Variants in MESP2 observed in about 807,000 individuals in gnomAD.
The protein encoded by MESP2 is mesoderm posterior bHLH transcription factor 2.
Under a neutral mutation model 37.8 loss-of-function variants are expected in MESP2, and 34 were observed. That is an observed-to-expected ratio of 0.90 (90% CI 0.68 to 1.20). The LOEUF (loss-of-function observed/expected upper bound fraction) is 1.20. Ranked by LOEUF, MESP2 falls within the 50% of genes most tolerant of loss-of-function variation. The pLI is 0.00. For synonymous variants in MESP2, 303 were observed against 251.6 expected, an observed-to-expected ratio of 1.20 and a Z score of -1.93; for missense variants, 646 against 545.3, an observed-to-expected ratio of 1.18 and a Z score of -1.84.
In MESP2 at chr15:89,778,492, T is replaced by C; in HGVS notation, c.*158T>C. 1.0e-6 allele frequency: 1 copy of C among 983,728 alleles called. No homozygotes were observed. The highest frequency in any genetic ancestry group is 1.5e-6 in the Non-Finnish European group (1 of 646,822). 60.9% of individuals were successfully genotyped at this position (983,728 alleles called of 1,614,324 possible). On this transcript the variant is annotated 3_prime_UTR_variant, in exon 2 of 2. Coordinates refer to ENST00000341735, the MANE Select transcript of MESP2 (RefSeq NM_001039958.2). Reference sequence around the variant, plus strand: ...AGCAGTGTTTGAAATAGATAGCGGGTACCTTCCCTGGATGGAGTCAGGGCG... The same window carrying C: ...AGCAGTGTTTGAAATAGATAGCGGGCACCTTCCCTGGATGGAGTCAGGGCG...
At position 89,777,215 on chromosome 15, in the gene MESP2, G is replaced by A. The variant is rs1968383546; in HGVS notation, c.858G>A (p.Glu286=). 23 of 1,612,482 alleles carry A rather than the reference G, an allele frequency of 1.4e-5. No homozygotes were observed. Among genetic ancestry groups the A allele is most frequent in the Non-Finnish European group, 1.9e-5 (23 of 1,179,816 alleles). Residue 286 remains glutamate (E), a synonymous_variant, in exon 1 of 2, where the codon GAG becomes GAA. Transcript: ENST00000341735. ...QGCPWTQSSP[E]PRNPPVPWTA... The stretch of plus-strand genomic sequence containing the variant: ...GTCCCTGGACGCAGTCGTCCCCAGA[G>A]CCCCGGAACCCACCAGTGCCCTGGA...
chr15:89,776,758 A>C lies in MESP2; in HGVS notation c.401A>C (p.His134Pro). The C allele has an allele frequency of 6.5e-7, 1 of 1,538,942 alleles. No homozygotes were observed. The highest frequency in any genetic ancestry group is 8.7e-7 in the Non-Finnish European group (1 of 1,149,298). The change falls in exon 1 of 2, where the codon CAC (histidine) becomes CCC (proline). Residue 134 changes from histidine (H) to proline (P), a missense_variant. Coordinates refer to ENST00000341735, the MANE Select transcript of MESP2 (RefSeq NM_001039958.2). ...TLRLAIRYIG[H>P]LSAVLGLSEE... The stretch of plus-strand genomic sequence containing the variant: ...CGCCTGGCCATCCGCTACATCGGCC[A>C]CCTATCGGCCGTGCTGGGTCTCAGC...
In MESP2 at chr15:89,776,729, G is replaced by A; in HGVS notation, c.372G>A (p.Thr124=). The A allele has an allele frequency of 6.4e-7, 1 of 1,554,580 alleles. No homozygotes were observed. The highest frequency in any genetic ancestry group is 8.6e-7 in the Non-Finnish European group (1 of 1,156,446). ...PAGQSLTKIE[T]LRLAIRYIGH... ...GCCAGAGCCTGACCAAGATCGAGAC[G>A]CTGCGCCTGGCCATCCGCTACATCG... Residue 124 remains threonine, a synonymous_variant, in exon 1 of 2, where the codon ACG becomes ACA. Transcript: ENST00000341735.
In MESP2 at chr15:89,776,839, G is replaced by T; in HGVS notation, c.482G>T (p.Gly161Val). ...RQRGDAGSPW[G>V]CPLCPDRGPA... Reference sequence around the variant, plus strand: ...CGCGGGGACGCGGGGTCCCCTTGGGGCTGCCCGCTGTGCCCCGACCGTGGC... The same window carrying T: ...CGCGGGGACGCGGGGTCCCCTTGGGTCTGCCCGCTGTGCCCCGACCGTGGC... The change falls in exon 1 of 2, where the codon GGC becomes GTC. Residue 161 changes from glycine (G) to valine (V), a missense_variant. Coordinates refer to ENST00000341735, the MANE Select transcript of MESP2 (RefSeq NM_001039958.2). 1 of 1,465,420 alleles carries T rather than the reference G, an allele frequency of 6.8e-7. No individual in the cohort carries two copies. Among genetic ancestry groups the T allele is most frequent in the African/African-American group, 1.5e-5 (1 of 68,126 alleles). 90.8% of individuals were successfully genotyped at this position (1,465,420 alleles called of 1,614,324 possible). A position where few individuals can be genotyped will look rare whatever the true frequency, so the allele number is the denominator to read the frequency against.
At chr15:89,777,351 C>T (rs901694997) in intron 1 of MESP2, 70 bp downstream of exon 1, 2 of 1,475,816 alleles carry the variant, frequency 1.4e-6, no homozygotes, top group Non-Finnish European at 1.8e-6. Context: ...TTTTCGATCC[C>T]AGCTTATCTA....
Position 89,776,532 on chromosome 15 carries a change from T to C in MESP2, c.175T>C (p.Cys59Arg), listed in dbSNP as rs1013034627. Reference protein sequence around the residue: ...RGLPQPQPPSCSSRAAEAAAT... With the variant: ...RGLPQPQPPSRSSRAAEAAAT... The stretch of plus-strand genomic sequence containing the variant: ...ACTCCCGCAGCCACAGCCTCCGAGC[T>C]GCAGCTCCCGAGCCGCAGAGGCAGC... Residue 59 changes from cysteine (C) to arginine (R), a missense_variant, in exon 1 of 2, where the codon TGC (cysteine) becomes CGC (arginine). By Grantham distance (180) the Cys-to-Arg change is radical. Coordinates refer to ENST00000341735, the MANE Select transcript of MESP2 (RefSeq NM_001039958.2). The C allele has an allele frequency of 3.9e-6, 6 of 1,532,648 alleles. No individual in the cohort carries two copies. Among genetic ancestry groups the C allele is most frequent in the Non-Finnish European group, 5.2e-6 (6 of 1,145,408 alleles). 94.9% of individuals were successfully genotyped at this position (1,532,648 alleles called of 1,614,324 possible). A position where few individuals can be genotyped will look rare whatever the true frequency, so the allele number is the denominator to read the frequency against.
In MESP2 at chr15:89,778,330, A is replaced by G. The variant is rs761885039; in HGVS notation, c.1190A>G (p.Tyr397Cys). The change falls in exon 2 of 2, where the codon TAC (tyrosine) becomes TGC (cysteine). Residue 397 changes from tyrosine (Y) to cysteine (C), a missense_variant. By Grantham distance (194) the Tyr-to-Cys change is radical (BLOSUM62 -2). Coordinates refer to ENST00000341735, the MANE Select transcript of MESP2 (RefSeq NM_001039958.2). ...GAGGGGGCCCGCCTGGGCATCTTCT[A>G]CTAAATGGCCTCGGCTTCCCTCTTT... ...DLEGARLGIF[Y>C] 13 of 1,613,134 alleles carry G rather than the reference A, an allele frequency of 8.1e-6. No individual in the cohort carries two copies. Among genetic ancestry groups the G allele is most frequent in the Non-Finnish European group, 1.0e-5 (12 of 1,180,030 alleles).
In MESP2 at chr15:89,777,314, C is replaced by A. The variant is rs200457783; in HGVS notation, c.924+33C>A. 1.7e-3 allele frequency: 2,698 copies of A among 1,589,772 alleles called. 12 individuals carry two copies. The highest frequency in any genetic ancestry group is 1.4e-3 in the Non-Finnish European group (1,636 of 1,169,640). On this transcript the variant is annotated intron_variant, in intron 1 of 1. Transcript: ENST00000341735. ...TGGAGGCCCTTGCTGTGTTCCCCAG[C>A]CTCCAGTCTGCAGAGAATCTCGTAC... is the stretch of plus-strand genomic sequence containing the variant.
chr15:89,777,268 C>A lies in MESP2; in HGVS notation c.911C>A (p.Ala304Asp). The change falls in exon 1 of 2, where the codon GCC (alanine) becomes GAC (aspartate). Residue 304 changes from alanine to aspartate, a missense_variant. Physicochemically the swap from Ala to Asp is moderately radical, Grantham distance 126. Transcript: ENST00000341735. The stretch of plus-strand genomic sequence containing the variant: ...GCGGCCCCAGCAACTTTGGAGCTGG[C>A]CGCAGTGTACCAGGTATGTGTGGAG... ...WTAAPATLEL[A>D]AVYQGLSVSP... 6.2e-7 allele frequency: 1 copy of A among 1,610,672 alleles called. No individual in the cohort carries two copies. The highest frequency in any genetic ancestry group is 1.1e-5 in the South Asian group (1 of 90,678).
intron 1 of MESP2, 64 bp downstream of exon 1, chr15:89,777,345 C>T: frequency 6.6e-7 from 1 of 1,505,220 alleles, no homozygotes; most frequent in African/African-American, 1.4e-5. Flanking sequence ...CGTACTTTTT[C>T]GATCCCAGCT....
Position 89,776,836 on chromosome 15 carries a change from G to C in MESP2, c.479G>C (p.Trp160Ser). ...CAGCGCGGGGACGCGGGGTCCCCTT[G>C]GGGCTGCCCGCTGTGCCCCGACCGT... ...RRQRGDAGSP[W>S]GCPLCPDRGP... Residue 160 changes from tryptophan (W) to serine (S), a missense_variant, in exon 1 of 2, where the codon TGG (tryptophan) becomes TCG (serine). Transcript: ENST00000341735. The C allele has an allele frequency of 6.8e-7, 1 of 1,465,482 alleles. No homozygotes were observed. The highest frequency in any genetic ancestry group is 9.0e-7 in the Non-Finnish European group (1 of 1,116,970). 90.8% of individuals were successfully genotyped at this position (1,465,482 alleles called of 1,614,324 possible).
chr15:89,776,684 T>G lies in MESP2; in HGVS notation c.327T>G (p.Pro109=), dbSNP rs767892102. The G allele has an allele frequency of 1.3e-5, 20 of 1,553,274 alleles. No individual in the cohort carries two copies. The highest frequency in any genetic ancestry group is 1.7e-5 in the Non-Finnish European group (20 of 1,156,486). The part of the protein sequence containing the change: ...RALHELRRFL[P]PSLAPAGQSL... ...TGCACGAGTTGCGCCGCTTTCTGCC[T>G]CCCTCCTTGGCGCCGGCCGGCCAGA... is the stretch of plus-strand genomic sequence containing the variant. Residue 109 remains proline (P), a synonymous_variant, in exon 1 of 2, where the codon CCT becomes CCG. Coordinates refer to ENST00000341735, the MANE Select transcript of MESP2 (RefSeq NM_001039958.2).
Position 89,777,275 on chromosome 15 carries a change from G to A in MESP2, c.918G>A (p.Val306=), listed in dbSNP as rs1167844325. The change falls in exon 1 of 2, where the codon GTG becomes GTA. Residue 306 remains valine, a synonymous_variant. Transcript: ENST00000341735. Reference sequence around the variant, plus strand: ...CAGCAACTTTGGAGCTGGCCGCAGTGTACCAGGTATGTGTGGAGGCCCTTG... The same window carrying A: ...CAGCAACTTTGGAGCTGGCCGCAGTATACCAGGTATGTGTGGAGGCCCTTG... ...AAPATLELAA[V]YQGLSVSPEP... 3 of 1,610,666 alleles carry A rather than the reference G, an allele frequency of 1.9e-6. No individual in the cohort carries two copies. The Admixed American group carries it at 5.0e-5, about 27-fold the overall frequency.
Position 89,777,069 on chromosome 15 carries a change from A to C in MESP2, c.712A>C (p.Arg238=). 6.2e-7 allele frequency: 1 copy of C among 1,610,850 alleles called. No individual in the cohort carries two copies. The highest frequency in any genetic ancestry group is 8.5e-7 in the Non-Finnish European group (1 of 1,179,262). The part of the protein sequence containing the change: ...GAQAAPERLG[R]GVHDTDPWAT... ...CCAAGCCGCACCCGAGCGCCTGGGG[A>C]GGGGGGTCCACGACACGGATCCCTG... The change falls in exon 1 of 2, where the codon AGG becomes CGG. Residue 238 remains arginine, a synonymous_variant. Transcript: ENST00000341735.
rs770067168 is a variant in MESP2 at position 89,777,082 on chromosome 15, A to G, written c.725A>G (p.Asp242Gly). The stretch of plus-strand genomic sequence containing the variant: ...GAGCGCCTGGGGAGGGGGGTCCACG[A>G]CACGGATCCCTGGGCAACACCCCCT... The part of the protein sequence containing the change: ...APERLGRGVH[D>G]TDPWATPPYC... The change falls in exon 1 of 2, where the codon GAC becomes GGC. Residue 242 changes from aspartate (D) to glycine (G), a missense_variant. Transcript: ENST00000341735. 6.2e-7 allele frequency: 1 copy of G among 1,611,916 alleles called. No homozygotes were observed. Among genetic ancestry groups the G allele is most frequent in the South Asian group, 1.1e-5 (1 of 90,922 alleles).
rs1201122914 is a variant in MESP2, at chr15:89,777,092, C to G, written c.735C>G (p.Pro245=). 6.2e-7 allele frequency: 1 copy of G among 1,612,336 alleles called. No homozygotes were observed. Among genetic ancestry groups the G allele is most frequent in the African/African-American group, 1.3e-5 (1 of 74,926 alleles). ...GGAGGGGGGTCCACGACACGGATCC[C>G]TGGGCAACACCCCCTTACTGCCCCA... ...RLGRGVHDTD[P]WATPPYCPKI... is the part of the protein sequence containing the mutation. The change falls in exon 1 of 2, where the codon CCC becomes CCG. Residue 245 remains proline (P), a synonymous_variant. Coordinates refer to ENST00000341735, the MANE Select transcript of MESP2 (RefSeq NM_001039958.2).
chr15:89,777,598 G>C (rs1436333299), intron 1 of MESP2, among the ~76,000 whole-genome samples: 1 of 152,132 alleles, frequency 6.6e-6, no homozygotes, highest in Non-Finnish European at 1.5e-5. Flanking sequence ...GGTAAGGGCA[G>C]CATTTCCTGA....
At position 89,777,143 on chromosome 15, in the gene MESP2, C is replaced by T; in HGVS notation, c.786C>T (p.Ser262=). 6.2e-7 allele frequency: 1 copy of T among 1,613,024 alleles called. No homozygotes were observed. Among genetic ancestry groups the T allele is most frequent in the Non-Finnish European group, 8.5e-7 (1 of 1,179,992 alleles). ...CPKIQSPPYS[S]QGTTSDASLW... ...AGATACAGTCGCCCCCGTATTCGTC[C>T]CAAGGGACAACCTCCGACGCGTCTC... The change falls in exon 1 of 2, where the codon TCC becomes TCT. Residue 262 remains serine (S), a synonymous_variant. Transcript: ENST00000341735.
chr15:89,776,934 G>A lies in MESP2; in HGVS notation c.577G>A (p.Gly193Arg), dbSNP rs760488789. Residue 193 changes from glycine (G) to arginine (R), a missense_variant, in exon 1 of 2, where the codon GGG (glycine) becomes AGG (arginine). Gly to Arg is a moderately radical substitution (Grantham distance 125). Coordinates refer to ENST00000341735, the MANE Select transcript of MESP2 (RefSeq NM_001039958.2). ...GQGQGQGQGQ[G>R]QGQGQGQGQG... is the part of the protein sequence containing the mutation. Reference sequence around the variant, plus strand: ...GGGGCAGGGGCAGGGGCAAGGGCAGGGGCAAGGACAGGGGCAAGGACAGGG... The same window carrying A: ...GGGGCAGGGGCAGGGGCAAGGGCAGAGGCAAGGACAGGGGCAAGGACAGGG... The A allele has an allele frequency of 6.8e-7, 1 of 1,479,138 alleles. No individual in the cohort carries two copies. The allele number at this position is 1,479,138 out of a possible 1,614,324, so 91.6% of individuals were successfully genotyped here. A position where few individuals can be genotyped will look rare whatever the true frequency, so the allele number is the denominator to read the frequency against.
Sources: allele counts gnomAD v4.1 joint callset (sites outside exome capture counted in the v4.1 genomes callset), GRCh38; gene constraint gnomAD v4.1.1; transcripts MANE v1.5; gene names NCBI Gene and HGNC (gene_info 2026-07-23, HGNC 2026-07-21).